The following GABRA5 variants were observed in gnomAD, a reference collection of about 807,000 sequenced individuals.
GABRA5 encodes the protein gamma-aminobutyric acid type A receptor subunit alpha5.
A neutral mutation model predicts 47.3 loss-of-function variants in GABRA5; 18 were observed. The ratio of observed to expected loss-of-function variants is 0.38; its 90% CI spans 0.26 to 0.56. The LOEUF (loss-of-function observed/expected upper bound fraction) is 0.56, where lower values mean the gene tolerates loss of function less well. Among genes scored for constraint, GABRA5 ranks in the 20% least tolerant of loss-of-function variants. The pLI, the probability that GABRA5 is intolerant of heterozygous loss-of-function variation, is 0.71. For synonymous variants in GABRA5, 237 were observed against 229.3 expected (o/e 1.03, Z -0.30); for missense variants, 365 against 599.3 (o/e 0.61, Z 4.08).
intron 7 of GABRA5, among the ~76,000 whole-genome samples, chr15:26,932,378 T>C (rs1191894917): frequency 1.3e-5 from 2 of 152,198 alleles, no homozygotes; most frequent in Non-Finnish European, 2.9e-5. Flanking sequence ...TCAACGTCAC[T>C]GATCATTAGT....
At chr15:26,896,547 A>T (rs781426794) in intron 6 of GABRA5, among the ~76,000 whole-genome samples, 3 of 152,174 alleles carry the variant, frequency 2.0e-5, no homozygotes, top group Non-Finnish European at 4.4e-5. Flanking sequence ...CAGTCACAAG[A>T]CTTTCTCCAT....
At chr15:26,882,080 A>C (rs1385593932) in intron 4 of GABRA5, among the ~76,000 whole-genome samples, 2 of 152,204 alleles carry the variant, frequency 1.3e-5, no homozygotes, top group Non-Finnish European at 2.9e-5. Flanking sequence ...GCTCCTTAAC[A>C]GTCTCTTACT....
intron 8 of GABRA5, chr15:26,939,240 T>TTCACC: frequency 2.6e-6 from 2 of 765,226 alleles, no homozygotes; most frequent in Non-Finnish European, 4.8e-6. Context: ...TCCTTACCAG[T>TTCACC]TCACCGTGAG....
Position 26,948,011 on chromosome 15 carries a change from G to A in GABRA5, c.1167G>A (p.Pro389=), listed in dbSNP as rs776414656. The A allele has an allele frequency of 2.3e-5, 37 of 1,602,000 alleles. No homozygotes were observed. The highest frequency in any genetic ancestry group is 6.8e-5 in the South Asian group (6 of 88,768). The stretch of plus-strand genomic sequence containing the variant: ...AGATGTCTCACCCCCCAAACATTCC[G>A]AAGGAACAGACCCCAGCAGGGACGT... ...TGKMSHPPNI[P]KEQTPAGTSN... is the part of the protein sequence containing the mutation. The change falls in exon 11 of 11, where the codon CCG becomes CCA. Residue 389 remains proline, a synonymous_variant. Transcript: ENST00000335625.
intron 4 of GABRA5, among the ~76,000 whole-genome samples, chr15:26,882,222 G>C (rs1406868914): frequency 6.6e-6 from 1 of 152,104 alleles, no homozygotes; most frequent in African/African-American, 2.4e-5. Flanking sequence ...CATCCTCTCT[G>C]CCTTCCAGTC....
Position 26,939,941 on chromosome 15 carries a change from G to T in GABRA5, c.741G>T (p.Met247Ile). The change falls in exon 9 of 11, where the codon ATG (methionine) becomes ATT (isoleucine). Residue 247 changes from methionine (M) to isoleucine (I), a missense_variant. Coordinates refer to ENST00000335625, the MANE Select transcript of GABRA5 (RefSeq NM_000810.4). Reference sequence around the variant, plus strand: ...TATTTGCAGGCGAATACACAATCATGACAGCTCACTTCCACCTGAAAAGGA... The same window carrying T: ...TATTTGCAGGCGAATACACAATCATTACAGCTCACTTCCACCTGAAAAGGA... ...ISTSTGEYTI[M>I]TAHFHLKRKI... is the part of the protein sequence containing the mutation. 6.2e-7 allele frequency: 1 copy of T among 1,613,958 alleles called. No homozygotes were observed. Among genetic ancestry groups the T allele is most frequent in the South Asian group, 1.1e-5 (1 of 91,062 alleles).
intron 7 of GABRA5, among the ~76,000 whole-genome samples, chr15:26,927,334 G>A (rs1049890133): frequency 6.7e-6 from 1 of 148,524 alleles, no homozygotes; most frequent in Non-Finnish European, 1.5e-5. Flanking sequence ...GCCTGGTCTT[G>A]AACTCCTGAC....
At chr15:26,881,754 C>A (rs952827956) in intron 4 of GABRA5, among the ~76,000 whole-genome samples, 2 of 152,122 alleles carry the variant, frequency 1.3e-5, no homozygotes, top group African/African-American at 4.8e-5. Context: ...GGCAGGAGTG[C>A]AATGGCATGA....
intron 3 of GABRA5, among the ~76,000 whole-genome samples, chr15:26,869,959 CT>C (rs973066160): frequency 6.6e-6 from 1 of 152,202 alleles, no homozygotes; most frequent in East Asian, 1.9e-4. Flanking sequence ...CAACTCTAAC[CT>C]TTTTTTTCAT....
At chr15:26,947,450 G>T (rs1894538105) in intron 10 of GABRA5, among the ~76,000 whole-genome samples, 1 of 152,154 alleles carries the variant, frequency 6.6e-6, no homozygotes, top group African/African-American at 2.4e-5. Flanking sequence ...AGAACATGTG[G>T]TATTTGGTTT....
At chr15:26,897,471 T>C (rs1018123295) in intron 6 of GABRA5, among the ~76,000 whole-genome samples, 10 of 152,134 alleles carry the variant, frequency 6.6e-5, no homozygotes, top group African/African-American at 2.4e-4. Flanking sequence ...TGTGGGAAAA[T>C]ACATGTCTGT....
At chr15:26,910,902 C>A (rs1300247966) in intron 6 of GABRA5, among the ~76,000 whole-genome samples, 2 of 152,158 alleles carry the variant, frequency 1.3e-5, no homozygotes, top group East Asian at 3.9e-4. Context: ...AGGCCTTGAT[C>A]TCAGCTCTGT....
intron 6 of GABRA5, among the ~76,000 whole-genome samples, chr15:26,901,570 A>G (rs896459705): frequency 6.6e-6 from 1 of 152,110 alleles, no homozygotes; most frequent in Non-Finnish European, 1.5e-5. Flanking sequence ...TTTGTCATAT[A>G]TGCCTTCTGC....
chr15:26,922,551 C>T (rs905509093), intron 7 of GABRA5, among the ~76,000 whole-genome samples: 5 of 152,060 alleles, frequency 3.3e-5, no homozygotes, highest in South Asian at 2.1e-4. Context: ...TATTTACACT[C>T]TTTATATTTA....
At chr15:26,890,492 A>G (rs976083103) in intron 6 of GABRA5, among the ~76,000 whole-genome samples, 1 of 143,388 alleles carries the variant, frequency 7.0e-6, no homozygotes, top group African/African-American at 2.8e-5. Context: ...TTTAACTTGA[A>G]TTGAGCCTTG....
chr15:26,879,321 CT>C (rs1487487894), intron 3 of GABRA5, among the ~76,000 whole-genome samples: 1 of 152,132 alleles, frequency 6.6e-6, no homozygotes, highest in Non-Finnish European at 1.5e-5. Context: ...ATATAACCTT[CT>C]TTTTTCCCCC....
At position 26,894,128 on chromosome 15, in the gene GABRA5, C is replaced by G. The variant is rs934611047; in HGVS notation, c.497+10571C>G. On this transcript the variant is annotated intron_variant, in intron 6 of 10. Coordinates refer to ENST00000335625, the MANE Select transcript of GABRA5 (RefSeq NM_000810.4). ...GGAGCGCAGCGGCCCGGGCAGAAGC[C>G]CTGCCCAGACGGCGCCGGACCTGGG... Among the ~76,000 whole-genome samples the G allele has an allele frequency of 4.6e-5, 7 of 152,120 alleles. No homozygotes were observed. The East Asian group carries it at 1.2e-3, about 25-fold the overall frequency.
chr15:26,915,724 T>A (rs148689894), intron 7 of GABRA5, among the ~76,000 whole-genome samples: 25 of 152,324 alleles, frequency 1.6e-4, no homozygotes, highest in African/African-American at 6.0e-4. Flanking sequence ...ACATGCTATA[T>A]GAAGTTTTCA....
At chr15:26,904,519 T>C (rs989792171) in intron 6 of GABRA5, among the ~76,000 whole-genome samples, 2 of 152,184 alleles carry the variant, frequency 1.3e-5, no homozygotes, top group African/African-American at 4.8e-5. Flanking sequence ...GGTAGGTTGA[T>C]AGGATACAGC....
Sources: allele counts gnomAD v4.1 joint callset (sites outside exome capture counted in the v4.1 genomes callset), GRCh38; gene constraint gnomAD v4.1.1; transcripts MANE v1.5; gene names NCBI Gene and HGNC (gene_info 2026-07-23, HGNC 2026-07-21).